Variants in RAI14 observed in about 807,000 individuals in gnomAD.
RAI14 encodes the protein ankycorbin.
Under a neutral mutation model 115.4 loss-of-function variants are expected in RAI14, and 45 were observed. The observed-to-expected ratio is 0.39, with a 90% CI of 0.31 to 0.50. RAI14 has a LOEUF of 0.50. Ranked by LOEUF, RAI14 falls within the 20% of genes least tolerant of loss-of-function variation. The pLI is 0.85. For synonymous variants in RAI14, 371 were observed against 415.4 expected, an observed-to-expected ratio of 0.89 and a Z score of 1.30; for missense variants, 939 against 1,131.2, an observed-to-expected ratio of 0.83 and a Z score of 2.44.
At chr5:34,712,326 G>A (rs528072956) in intron 2 of RAI14, among the ~76,000 whole-genome samples, 1 of 152,190 alleles carries the variant, frequency 6.6e-6, no homozygotes, top group African/African-American at 2.4e-5. Context: ...GGAACAATTT[G>A]GAGTTTATAT....
intron 1 of RAI14, among the ~76,000 whole-genome samples, chr5:34,672,345 G>A (rs535121285): frequency 6.6e-6 from 1 of 152,248 alleles, no homozygotes; most frequent in East Asian, 1.9e-4. Flanking sequence ...TAAAACTCTT[G>A]CATTAGATGC....
At chr5:34,712,554 T>A (rs1435677138) in intron 2 of RAI14, among the ~76,000 whole-genome samples, 1 of 152,220 alleles carries the variant, frequency 6.6e-6, no homozygotes, top group Non-Finnish European at 1.5e-5. Context: ...ACTTTTCAAG[T>A]CTGTTTATTG....
intron 3 of RAI14, among the ~76,000 whole-genome samples, chr5:34,786,636 G>A (rs1232479866): frequency 2.6e-5 from 4 of 152,114 alleles, no homozygotes; most frequent in Non-Finnish European, 5.9e-5. Context: ...ACTCACCACT[G>A]GGATTGCTTA....
chr5:34,790,774 AT>A (rs1218632224), intron 3 of RAI14, among the ~76,000 whole-genome samples: 2 of 148,866 alleles, frequency 1.3e-5, no homozygotes, highest in African/African-American at 4.9e-5. Flanking sequence ...ATACATATAT[AT>A]ATATATATAG....
At chr5:34,807,649 G>T in intron 5 of RAI14, 151 bp from the exon 6 acceptor site, 1 of 638,150 alleles carries the variant, frequency 1.6e-6, no homozygotes, top group South Asian at 2.0e-5. Context: ...CCCCATAGGA[G>T]ACTGTAGGCC....
At chr5:34,720,690 G>C (rs1165340268) in intron 2 of RAI14, among the ~76,000 whole-genome samples, 4 of 151,948 alleles carry the variant, frequency 2.6e-5, no homozygotes, top group Non-Finnish European at 5.9e-5. Context: ...GATTACAGGC[G>C]TGAGCCACCG....
At chr5:34,725,822 G>A (rs190337526) in intron 2 of RAI14, among the ~76,000 whole-genome samples, 4 of 151,902 alleles carry the variant, frequency 2.6e-5, no homozygotes, top group Non-Finnish European at 5.9e-5. Flanking sequence ...AATTTAGCCA[G>A]CAGTGGTGGC....
At chr5:34,804,504 A>G (rs527571928) in intron 5 of RAI14, among the ~76,000 whole-genome samples, 1 of 152,308 alleles carries the variant, frequency 6.6e-6, no homozygotes, top group East Asian at 1.9e-4. Flanking sequence ...TGTTCTGTTG[A>G]ACTGTTGTCT....
chr5:34,730,139 G>C (rs1467038078), intron 2 of RAI14, among the ~76,000 whole-genome samples: 1 of 151,978 alleles, frequency 6.6e-6, no homozygotes, highest in Non-Finnish European at 1.5e-5. Flanking sequence ...CTCTATTTTT[G>C]GATATATTTA....
rs1389132526 is a variant in RAI14 at position 34,822,981 on chromosome 5, C to T, written c.1139C>T (p.Ala380Val). 6.2e-7 allele frequency: 1 copy of T among 1,612,378 alleles called. No homozygotes were observed. The highest frequency in any genetic ancestry group is 1.7e-5 in the Admixed American group (1 of 59,694). Reference protein sequence around the residue: ...LQAKSPKEAEADLSFDSYHST... With the variant: ...LQAKSPKEAEVDLSFDSYHST... Reference sequence around the variant, plus strand: ...GCCAAATCACCCAAGGAGGCGGAAGCAGACCTAAGCTTTGACTCATACCAT... The same window carrying T: ...GCCAAATCACCCAAGGAGGCGGAAGTAGACCTAAGCTTTGACTCATACCAT... The change falls in exon 15 of 18, where the codon GCA (alanine) becomes GTA (valine). Residue 380 changes from alanine to valine, a missense_variant. Coordinates refer to ENST00000265109, the MANE Select transcript of RAI14 (RefSeq NM_015577.3).
chr5:34,767,286 C>T (rs973524723), intron 3 of RAI14, among the ~76,000 whole-genome samples: 2 of 152,186 alleles, frequency 1.3e-5, no homozygotes, highest in African/African-American at 4.8e-5. Context: ...TCTCTGTTCC[C>T]TCCACTGGCT....
chr5:34,749,068 C>T (rs1223100658), intron 2 of RAI14, among the ~76,000 whole-genome samples: 1 of 152,110 alleles, frequency 6.6e-6, no homozygotes, highest in African/African-American at 2.4e-5. Flanking sequence ...ATGAGGTGTG[C>T]GCAAGATTTT....
chr5:34,702,886 A>G (rs1171034838), intron 2 of RAI14, among the ~76,000 whole-genome samples: 4 of 152,170 alleles, frequency 2.6e-5, no homozygotes, highest in Non-Finnish European at 5.9e-5. Flanking sequence ...CTATATTTTC[A>G]GTAGAGACGG....
At chr5:34,686,353 G>A (rs1744872452) in intron 1 of RAI14, 1 of 134,984 alleles carries the variant, frequency 7.4e-6, no homozygotes, top group Non-Finnish European at 1.6e-5. Context: ...GGAGTGGGGG[G>A]TTGGGGGAGG....
At chr5:34,662,356 C>G (rs1742756568) in intron 1 of RAI14, among the ~76,000 whole-genome samples, 1 of 152,196 alleles carries the variant, frequency 6.6e-6, no homozygotes, top group African/African-American at 2.4e-5. Flanking sequence ...TATTATAGCA[C>G]TAATGCATTG....
chr5:34,775,638 C>T (rs570203368), intron 3 of RAI14, among the ~76,000 whole-genome samples: 1 of 152,266 alleles, frequency 6.6e-6, no homozygotes, highest in Admixed American at 6.5e-5. Flanking sequence ...AAATGGCAAA[C>T]AGGTGTACGA....
chr5:34,787,257 A>G (rs920084762), intron 3 of RAI14, among the ~76,000 whole-genome samples: 1 of 152,222 alleles, frequency 6.6e-6, no homozygotes, highest in Admixed American at 6.5e-5. Context: ...GCTCCTCAGT[A>G]TGTACCCATT....
At chr5:34,787,323 G>T (rs1235676538) in intron 3 of RAI14, among the ~76,000 whole-genome samples, 1 of 152,190 alleles carries the variant, frequency 6.6e-6, no homozygotes, top group East Asian at 1.9e-4. Context: ...GGGCATGATA[G>T]TAATCCCCAG....
chr5:34,819,566 T>C (rs1174041224), intron 13 of RAI14, among the ~76,000 whole-genome samples: 1 of 152,204 alleles, frequency 6.6e-6, no homozygotes, highest in East Asian at 1.9e-4. Context: ...GTTTAATTCA[T>C]TGTGTCTCTT....
Sources: gnomAD v4.1 joint callset for allele counts (sites outside exome capture counted in the v4.1 genomes callset) on GRCh38, gnomAD v4.1.1 for gene constraint, MANE v1.5 for transcripts, NCBI Gene and HGNC (gene_info 2026-07-23, HGNC 2026-07-21) for gene names.